The following CSGALNACT1 variants were observed in gnomAD, a reference collection of about 807,000 sequenced individuals.
CSGALNACT1 encodes beta4GalNAcT-1.
Under a neutral mutation model 51.0 loss-of-function variants are expected in CSGALNACT1, and 52 were observed. The observed-to-expected ratio is 1.02, with a 90% CI of 0.82 to 1.29. CSGALNACT1 has a LOEUF of 1.29. CSGALNACT1 is among the 50% of genes most tolerant of loss of function. The probability of loss-of-function intolerance (pLI) is 0.00; values close to 1 mark genes in which losing one functional copy is unlikely to be tolerated. For missense variants in CSGALNACT1, 935 were observed against 679.2 expected (o/e 1.38, Z -4.19); for synonymous variants, 341 against 254.4 (o/e 1.34, Z -3.24).
intron 6 of CSGALNACT1, among the ~76,000 whole-genome samples, chr8:19,423,582 T>A (rs2058293559): frequency 6.6e-6 from 1 of 152,170 alleles, no homozygotes; most frequent in African/African-American, 2.4e-5. Context: ...CCTGTCATAG[T>A]CATGGGAAAA....
At chr8:19,564,656 A>G (rs1394932021) in intron 3 of CSGALNACT1, among the ~76,000 whole-genome samples, 1 of 152,192 alleles carries the variant, frequency 6.6e-6, no homozygotes, top group Admixed American at 6.5e-5. Context: ...TTTGTGTCCA[A>G]TCAGAATTCA....
In CSGALNACT1 at chr8:19,452,087, G is replaced by A. The variant is rs138864525; in HGVS notation, c.851+6339C>T. Among the ~76,000 whole-genome samples the A allele has an allele frequency of 3.3e-5, 5 of 152,344 alleles. No individual in the cohort carries two copies. The East Asian group carries it at 9.6e-4, about 29-fold the overall frequency. On this transcript the variant is annotated intron_variant, in intron 5 of 9. Transcript: ENST00000454498. Reference sequence around the variant, plus strand: ...TGCCACCAATAAATGACCAATGAGGGAGACATAATCTTCTGCTGTCAATTT... The same window carrying A: ...TGCCACCAATAAATGACCAATGAGGAAGACATAATCTTCTGCTGTCAATTT...
intron 1 of CSGALNACT1, among the ~76,000 whole-genome samples, chr8:19,694,158 A>G (rs1323588867): frequency 6.6e-6 from 1 of 152,200 alleles, no homozygotes; most frequent in Non-Finnish European, 1.5e-5. Context: ...GACTTGAAAT[A>G]ACTAACTGGC....
chr8:19,489,010 G>A (rs1220877020), intron 4 of CSGALNACT1, among the ~76,000 whole-genome samples: 2 of 151,998 alleles, frequency 1.3e-5, no homozygotes, highest in Non-Finnish European at 2.9e-5. Flanking sequence ...AAGAAACAAC[G>A]GCCCCCATTT....
intron 3 of CSGALNACT1, among the ~76,000 whole-genome samples, chr8:19,555,665 A>T (rs1465566504): frequency 6.6e-6 from 1 of 152,188 alleles, no homozygotes; most frequent in African/African-American, 2.4e-5. Context: ...GCTCCCAACT[A>T]TACATCTTCA....
At chr8:19,583,329 G>T (rs2045976024) in intron 3 of CSGALNACT1, among the ~76,000 whole-genome samples, 1 of 152,068 alleles carries the variant, frequency 6.6e-6, no homozygotes, top group African/African-American at 2.4e-5. Flanking sequence ...TTATTCTCTA[G>T]TATCTTTTCA....
intron 7 of CSGALNACT1, 60 bp downstream of exon 6, chr8:19,420,280 C>T (rs1303966856): frequency 3.0e-5 from 45 of 1,513,724 alleles, no homozygotes; most frequent in East Asian, 2.3e-4. Flanking sequence ...ATCAAGAGGA[C>T]GACACATGGG....
rs377618748 is a variant in CSGALNACT1, at chr8:19,457,734, A to C, written c.851+692T>G. ...CTGGTTATCCTCAGCCAATATGTGC[A>C]TCTGAGCCATCACAGCTTCTAAGAT... On this transcript the variant is annotated intron_variant, in intron 5 of 9. Coordinates refer to ENST00000454498, the Ensembl canonical transcript of CSGALNACT1. 6.1e-4 allele frequency: 817 copies of C among 1,347,230 alleles called. 7 individuals carry two copies. The highest frequency in any genetic ancestry group is 6.3e-4 in the Middle Eastern group (3 of 4,788). The allele number at this position is 1,347,230 out of a possible 1,614,324, so 83.5% of individuals were successfully genotyped here. A position where few individuals can be genotyped will look rare whatever the true frequency, so the allele number is the denominator to read the frequency against.
chr8:19,488,382 T>C (rs28469097), intron 4 of CSGALNACT1, among the ~76,000 whole-genome samples: 11 of 25,140 alleles, frequency 4.4e-4, no homozygotes, highest in South Asian at 2.4e-3. Flanking sequence ...TATATATATA[T>C]ATATATATAT....
At chr8:19,498,295 C>A (rs769165657) in intron 4 of CSGALNACT1, among the ~76,000 whole-genome samples, 1 of 152,186 alleles carries the variant, frequency 6.6e-6, no homozygotes, top group Non-Finnish European at 1.5e-5. Context: ...TCCATACACA[C>A]ATGTTGATTA....
rs149430130 is a variant in CSGALNACT1 at position 19,551,424 on chromosome 8, G to A, written c.-297+39736C>T. ...TTCAAGCCAATCTCTGTGCAGACCC[G>A]AAACTCCACTTGCAAAATCTCTCCC... On this transcript the variant is annotated intron_variant, in intron 3 of 9. Coordinates refer to ENST00000454498, the Ensembl canonical transcript of CSGALNACT1. 5.0e-3 allele frequency among the ~76,000 whole-genome samples: 754 copies of A among 152,246 alleles called. 10 individuals carry two copies. The highest frequency in any genetic ancestry group is 0.017 in the African/African-American group (707 of 41,554).
At chr8:19,406,731 C>T (rs2054276198) in intron 9 of CSGALNACT1, among the ~76,000 whole-genome samples, 2 of 151,770 alleles carry the variant, frequency 1.3e-5, no homozygotes, top group African/African-American at 4.8e-5. Flanking sequence ...GTGGCCTTCT[C>T]CTGCCACTGC....
chr8:19,726,712 GA>G (rs1471367120), intron 1 of CSGALNACT1, among the ~76,000 whole-genome samples: 10 of 152,066 alleles, frequency 6.6e-5, no homozygotes, highest in Non-Finnish European at 1.0e-4. Context: ...TACTGACTAT[GA>G]AAAAAATATA....
intron 1 of CSGALNACT1, among the ~76,000 whole-genome samples, chr8:19,744,652 C>A (rs1484519751): frequency 2.0e-5 from 3 of 152,114 alleles, no homozygotes; most frequent in Non-Finnish European, 4.4e-5. Context: ...TGCTTATAAA[C>A]TGAAAATTAT....
intron 5 of CSGALNACT1, among the ~76,000 whole-genome samples, chr8:19,440,238 C>T (rs1282624120): frequency 1.3e-5 from 2 of 152,178 alleles, no homozygotes; most frequent in African/African-American, 2.4e-5. Flanking sequence ...GAATTGGGTC[C>T]TTGGGGTCCC....
intron 3 of CSGALNACT1, chr8:19,531,845 G>C (rs1483703977): frequency 6.6e-6 from 1 of 152,270 alleles, no homozygotes; most frequent in Non-Finnish European, 1.5e-5. Flanking sequence ...CTTTTGGCCA[G>C]ATGCAGGTAC....
At chr8:19,533,912 A>G (rs2083264382) in intron 3 of CSGALNACT1, among the ~76,000 whole-genome samples, 1 of 152,132 alleles carries the variant, frequency 6.6e-6, no homozygotes, top group African/African-American at 2.4e-5. Context: ...GGGGAAGAAA[A>G]AGAGAATCTT....
chr8:19,498,477 G>A (rs974761377), intron 4 of CSGALNACT1, among the ~76,000 whole-genome samples: 1 of 152,170 alleles, frequency 6.6e-6, no homozygotes, highest in African/African-American at 2.4e-5. Flanking sequence ...TGTGCAGGGC[G>A]CTCTTTGCCT....
Position 19,405,962 on chromosome 8 carries a change from A to G in CSGALNACT1, c.1417T>C (p.Phe473Leu). 2 of 1,614,164 alleles carry G rather than the reference A, an allele frequency of 1.2e-6. No homozygotes were observed. The highest frequency in any genetic ancestry group is 1.1e-5 in the South Asian group (1 of 91,078). ...CAGCGCTTCTCATGCCAGAGGTGGA[A>G]GAGTCCTCGCACAGGCGTCCGTACC... The change falls in exon 10 of 10, where the codon TTC (phenylalanine) becomes CTC (leucine). Residue 473 changes from phenylalanine (F) to leucine (L), a missense_variant. Physicochemically the swap from Phe to Leu is conservative, Grantham distance 22 (BLOSUM62 0). Transcript: ENST00000454498.
Sources: allele counts gnomAD v4.1 joint callset (sites outside exome capture counted in the v4.1 genomes callset), GRCh38; gene constraint gnomAD v4.1.1; transcripts MANE v1.5; gene names NCBI Gene and HGNC (gene_info 2026-07-23, HGNC 2026-07-21).